The following TMEM132A variants were observed in gnomAD, a reference collection of about 807,000 sequenced individuals.
TMEM132A encodes GRP78-binding protein.
A neutral mutation model predicts 69.9 loss-of-function variants in TMEM132A; 48 were observed. That is an observed-to-expected ratio of 0.69 (90% CI 0.55 to 0.87). The LOEUF (loss-of-function observed/expected upper bound fraction) is 0.87. TMEM132A is among the 40% of genes least tolerant of loss of function. The pLI is 0.00. For missense variants in TMEM132A, 1,287 were observed against 1,407.2 expected (o/e 0.91, Z 1.37); for synonymous variants, 577 against 613.7 (o/e 0.94, Z 0.88).
At position 60,935,103 on chromosome 11, in the gene TMEM132A, C is replaced by A; in HGVS notation, c.1837-149C>A. 1 of 734,710 alleles carries A rather than the reference C, an allele frequency of 1.4e-6. No individual in the cohort carries two copies. Among genetic ancestry groups the A allele is most frequent in the Non-Finnish European group, 2.2e-6 (1 of 451,312 alleles). 45.5% of individuals were successfully genotyped at this position (734,710 alleles called of 1,614,324 possible). ...AGCCCATGAGCCTGCTGGGAGTACC[C>A]GGTTCCCTCTGGGTGGGGGCTGTCC... is the stretch of plus-strand genomic sequence containing the variant. On this transcript the variant is annotated intron_variant, in intron 9 of 10. Coordinates refer to ENST00000453848, the MANE Select transcript of TMEM132A (RefSeq NM_178031.3). This position sits in a 1 kb window ranked among gnomAD's most constrained non-coding sequence, Gnocchi z 5.0.
chr11:60,931,378 G>A (rs112706426), intron 5 of TMEM132A, among the ~76,000 whole-genome samples: 396 of 152,324 alleles, frequency 2.6e-3, no homozygotes, highest in Non-Finnish European at 3.9e-3. Flanking sequence ...GCTGTGGAAA[G>A]CGGAAGTCTG....
chr11:60,931,679 T>G lies in TMEM132A; in HGVS notation c.1017-10T>G. ...AAGCATTTGGCTTCTCTGTCTCCTT[T>G]GGCCAGCAGTCCCCTTGAACTGTCT... is the stretch of plus-strand genomic sequence containing the variant. On this transcript the variant is annotated splice_polypyrimidine_tract_variant and intron_variant, in intron 5 of 10. Transcript: ENST00000453848. The G allele has an allele frequency of 6.2e-7, 1 of 1,600,066 alleles. No individual in the cohort carries two copies. The highest frequency in any genetic ancestry group is 1.1e-5 in the South Asian group (1 of 89,994).
chr11:60,924,579 T>C lies in TMEM132A; in HGVS notation c.-55T>C. On this transcript the variant is annotated 5_prime_UTR_variant, in exon 1 of 11. Transcript: ENST00000453848. Reference sequence around the variant, plus strand: ...CGCGGAGCGGGTGCGGGAGATGCCGTGCGGGACTGGGGCCACCTGAGCCGC... The same window carrying C: ...CGCGGAGCGGGTGCGGGAGATGCCGCGCGGGACTGGGGCCACCTGAGCCGC... 2 of 1,434,532 alleles carry C rather than the reference T, an allele frequency of 1.4e-6. No individual in the cohort carries two copies. The highest frequency in any genetic ancestry group is 1.9e-6 in the Non-Finnish European group (2 of 1,064,814). The allele number at this position is 1,434,532 out of a possible 1,614,324, so 88.9% of individuals were successfully genotyped here. A position where few individuals can be genotyped will look rare whatever the true frequency, so the allele number is the denominator to read the frequency against.
chr11:60,935,871 C>T lies in TMEM132A; in HGVS notation c.2036C>T (p.Ala679Val), dbSNP rs1444576847. The T allele has an allele frequency of 2.5e-6, 4 of 1,611,708 alleles. No homozygotes were observed. The highest frequency in any genetic ancestry group is 3.4e-6 in the Non-Finnish European group (4 of 1,179,830). ...TGTCTGTGTGCCCCACAGGAGGTGG[C>T]CCTCTCCCTATGGCTGTCCTTCTCT... ...SALPAPKQEV[A>V]LSLWLSFSDH... The change falls in exon 11 of 11, where the codon GCC (alanine) becomes GTC (valine). Residue 679 changes from alanine (A) to valine (V), a missense_variant. Ala to Val is a moderately conservative substitution (Grantham distance 64, BLOSUM62 0). Transcript: ENST00000453848. This position sits in a 1 kb window ranked among gnomAD's most constrained non-coding sequence, Gnocchi z 5.0.
chr11:60,937,052 C>A lies in TMEM132A; in HGVS notation c.*145C>A, dbSNP rs754870241. On this transcript the variant is annotated 3_prime_UTR_variant, in exon 11 of 11. Transcript: ENST00000453848. ...CCCCACAAGGACTCCCATCCAGGCC[C>A]CCTCTGCCCTGCCCCTTGTCATGGA... is the stretch of plus-strand genomic sequence containing the variant. 7.8e-7 allele frequency: 1 copy of A among 1,275,120 alleles called. No homozygotes were observed. The highest frequency in any genetic ancestry group is 1.5e-5 in the African/African-American group (1 of 66,872). 79.0% of individuals were successfully genotyped at this position (1,275,120 alleles called of 1,614,324 possible). A position where few individuals can be genotyped will look rare whatever the true frequency, so the allele number is the denominator to read the frequency against.
In TMEM132A at chr11:60,928,729, C is replaced by G; in HGVS notation, c.635C>G (p.Ala212Gly). 1.2e-6 allele frequency: 2 copies of G among 1,609,652 alleles called. No homozygotes were observed. Among genetic ancestry groups the G allele is most frequent in the Non-Finnish European group, 1.7e-6 (2 of 1,178,692 alleles). ...RAELAYTLEP[A>G]AEGPGGCGSG... ...GAGCTGGCCTACACGCTTGAGCCTG[C>G]AGCTGAGGGCCCTGGGGGCTGTGGC... The change falls in exon 4 of 11, where the codon GCA becomes GGA. Residue 212 changes from alanine (A) to glycine (G), a missense_variant. Transcript: ENST00000453848.
chr11:60,927,497 C>A (rs1011327385), intron 2 of TMEM132A, 79 bp downstream of exon 2: 1 of 1,463,566 alleles, frequency 6.8e-7, no homozygotes, highest in African/African-American at 1.4e-5. Flanking sequence ...TGGGAGCCTT[C>A]CCCAGCCCCG....
At chr11:60,934,134 G>A (rs1856539814) in intron 8 of TMEM132A, 1 of 367,626 alleles carries the variant, frequency 2.7e-6, no homozygotes, top group Non-Finnish European at 4.8e-6. Context: ...GAACACCCTC[G>A]GAGGGGGCTC....
At position 60,936,642 on chromosome 11, in the gene TMEM132A, T is replaced by G; in HGVS notation, c.2807T>G (p.Leu936Arg). 6.4e-7 allele frequency: 1 copy of G among 1,555,538 alleles called. No homozygotes were observed. The highest frequency in any genetic ancestry group is 8.7e-7 in the Non-Finnish European group (1 of 1,152,126). The change falls in exon 11 of 11, where the codon CTG becomes CGG. Residue 936 changes from leucine (L) to arginine (R), a missense_variant. Physicochemically the swap from Leu to Arg is moderately radical, Grantham distance 102. Transcript: ENST00000453848. The part of the protein sequence containing the change: ...ESGGGGEAPT[L>R]APGPPGGTTS... Reference sequence around the variant, plus strand: ...GGGGGAGGAGGGGAGGCCCCTACCCTGGCCCCTGGCCCTCCTGGGGGCACC... The same window carrying G: ...GGGGGAGGAGGGGAGGCCCCTACCCGGGCCCCTGGCCCTCCTGGGGGCACC...
chr11:60,934,240 TCC>T (rs988671353), intron 8 of TMEM132A: 36 of 407,794 alleles, frequency 8.8e-5, no homozygotes, highest in Non-Finnish European at 1.3e-4. Flanking sequence ...AGAGAGCGTC[TCC>T]CCTGCGGTCC....
intron 1 of TMEM132A, among the ~76,000 whole-genome samples, 180 bp downstream of exon 1, chr11:60,924,913 C>T (rs1424871911): frequency 6.6e-6 from 1 of 152,088 alleles, no homozygotes; most frequent in Admixed American, 6.5e-5. Flanking sequence ...CCACTCGCCC[C>T]TAAGGCTTCC....
At chr11:60,924,979 GC>G in intron 1 of TMEM132A, among the ~76,000 whole-genome samples, 1 of 152,068 alleles carries the variant, frequency 6.6e-6, no homozygotes. Flanking sequence ...CGGCGCAGGG[GC>G]TTCCCCGTCC....
chr11:60,927,037 T>G (rs1641894902), intron 1 of TMEM132A, 167 bp from the exon 2 acceptor site: 1 of 687,876 alleles, frequency 1.5e-6, no homozygotes, highest in South Asian at 1.6e-5. Flanking sequence ...TGTGAGGCTC[T>G]TTAAGCCTCA....
Position 60,931,692 on chromosome 11 carries a change from C to T in TMEM132A, c.1020C>T (p.Pro340=). The T allele has an allele frequency of 6.2e-7, 1 of 1,610,930 alleles. No individual in the cohort carries two copies. Among genetic ancestry groups the T allele is most frequent in the Non-Finnish European group, 8.5e-7 (1 of 1,177,664 alleles). The change falls in exon 6 of 11, where the codon CCC becomes CCT. Residue 340 remains proline, a synonymous_variant. Transcript: ENST00000453848. ...RAGLTEPDSS[P]LELSEFLWVD... is the part of the protein sequence containing the mutation. Reference sequence around the variant, plus strand: ...CTCTGTCTCCTTTGGCCAGCAGTCCCCTTGAACTGTCTGAGTTCCTATGGG... The same window carrying T: ...CTCTGTCTCCTTTGGCCAGCAGTCCTCTTGAACTGTCTGAGTTCCTATGGG...
At chr11:60,925,046 C>T (rs991392407) in intron 1 of TMEM132A, among the ~76,000 whole-genome samples, 1 of 152,160 alleles carries the variant, frequency 6.6e-6, no homozygotes, top group African/African-American at 2.4e-5. Context: ...GGCCCCGGTC[C>T]CGGGCGCACT....
In TMEM132A at chr11:60,935,592, G is replaced by C; in HGVS notation, c.2028+149G>C. 1 of 919,486 alleles carries C rather than the reference G, an allele frequency of 1.1e-6. No individual in the cohort carries two copies. Among genetic ancestry groups the C allele is most frequent in the Non-Finnish European group, 1.6e-6 (1 of 620,510 alleles). The allele number at this position is 919,486 out of a possible 1,614,324, so 57.0% of individuals were successfully genotyped here. A position where few individuals can be genotyped will look rare whatever the true frequency, so the allele number is the denominator to read the frequency against. On this transcript the variant is annotated intron_variant, in intron 10 of 10. Coordinates refer to ENST00000453848, the MANE Select transcript of TMEM132A (RefSeq NM_178031.3). The surrounding 1 kb of genome is among the most constrained non-coding windows in gnomAD (Gnocchi z 5.0). Reference sequence around the variant, plus strand: ...TCTGTGAGGTAGTGAGCTCTCTGCAGCTGGAGGTGATCAAGCAGTGGCTGG... The same window carrying C: ...TCTGTGAGGTAGTGAGCTCTCTGCACCTGGAGGTGATCAAGCAGTGGCTGG...
At chr11:60,929,098 C>T in intron 4 of TMEM132A, 138 bp downstream of exon 4, 1 of 867,316 alleles carries the variant, frequency 1.2e-6, no homozygotes, top group Non-Finnish European at 1.8e-6. Context: ...AAACTCCTTC[C>T]AGGTAAAAAG....
chr11:60,927,448 C>A, intron 2 of TMEM132A, 30 bp downstream of exon 2: 1 of 1,585,346 alleles, frequency 6.3e-7, no homozygotes, highest in South Asian at 1.1e-5. Context: ...GACTCTCAGG[C>A]TAACAGGACT....
intron 5 of TMEM132A, 138 bp downstream of exon 5, chr11:60,930,797 A>C (rs998628151): frequency 2.5e-6 from 2 of 812,130 alleles, no homozygotes; most frequent in African/African-American, 3.5e-5. Flanking sequence ...TCAAGGAAGC[A>C]GCACAAAGCA....
Sources: gnomAD v4.1 joint callset for allele counts (sites outside exome capture counted in the v4.1 genomes callset) on GRCh38, gnomAD v4.1.1 for gene constraint, Gnocchi (gnomAD v3.1) non-coding constraint, MANE v1.5 for transcripts, NCBI Gene and HGNC (gene_info 2026-07-23, HGNC 2026-07-21) for gene names.